The following CSMD1 variants were observed in gnomAD, a reference collection of about 807,000 sequenced individuals.
The protein encoded by CSMD1 is CUB and sushi domain-containing protein 1.
In CSMD1, 213 loss-of-function variants were observed where a neutral mutation model predicts 417.5. The ratio of observed to expected loss-of-function variants is 0.51; its 90% confidence interval spans 0.46 to 0.57. The LOEUF is 0.57. Ranked by LOEUF, CSMD1 falls within the 20% of genes least tolerant of loss-of-function variation. The probability of loss-of-function intolerance (pLI) is 0.00; values close to 1 mark genes in which losing one functional copy is unlikely to be tolerated. For missense variants in CSMD1, 6,923 were observed against 4,529.7 expected, an observed-to-expected ratio of 1.53 and a Z score of -15.17; for synonymous variants, 2,862 against 1,736.8, an observed-to-expected ratio of 1.65 and a Z score of -16.11.
chr8:3,667,675 C>A lies in CSMD1; in HGVS notation c.1009+40739G>T, dbSNP rs566656001. Reference sequence around the variant, plus strand: ...AGGCCTTGGGGTGAAGAGCAGTTGTCCACGCATGGTGATGACTGAATTGAG... The same window carrying A: ...AGGCCTTGGGGTGAAGAGCAGTTGTACACGCATGGTGATGACTGAATTGAG... On this transcript the variant is annotated intron_variant, in intron 7 of 69. Coordinates refer to ENST00000635120, the MANE Select transcript of CSMD1 (RefSeq NM_033225.6). Among the ~76,000 whole-genome samples the A allele has an allele frequency of 8.5e-5, 13 of 152,228 alleles. No individual in the cohort carries two copies. In the South Asian group the frequency reaches 2.7e-3, roughly 32 times the overall value.
rs529044877 is a variant in CSMD1 at position 3,880,879 on chromosome 8, C to G, written c.818+117024G>C. ...TTTTCTAATACAAATTTTTCTAGTC[C>G]TCCTTCGTGTACCATTGAAAGTAAA... On this transcript the variant is annotated intron_variant, in intron 5 of 69. Coordinates refer to ENST00000635120, the MANE Select transcript of CSMD1 (RefSeq NM_033225.6). 6.6e-5 allele frequency among the ~76,000 whole-genome samples: 10 copies of G among 152,162 alleles called. No individual in the cohort carries two copies. In the South Asian group the frequency reaches 1.5e-3, roughly 22 times the overall value.
At chr8:3,970,439 T>C (rs1224418906) in intron 5 of CSMD1, among the ~76,000 whole-genome samples, 1 of 152,186 alleles carries the variant, frequency 6.6e-6, no homozygotes, top group African/African-American at 2.4e-5. Context: ...CCCCAGGACA[T>C]GGCCATGAGA....
intron 1 of CSMD1, among the ~76,000 whole-genome samples, chr8:4,677,338 A>C (rs1370061811): frequency 6.6e-6 from 1 of 151,642 alleles, no homozygotes; most frequent in Non-Finnish European, 1.5e-5. Context: ...ATCATTATAA[A>C]CATGTGCTAC....
intron 5 of CSMD1, among the ~76,000 whole-genome samples, chr8:3,767,943 G>T (rs145825358): frequency 6.6e-6 from 1 of 152,136 alleles, no homozygotes; most frequent in African/African-American, 2.4e-5. Context: ...CATTAATGAT[G>T]TGAACATTAC....
chr8:4,499,154 C>A (rs1020993530), intron 2 of CSMD1, among the ~76,000 whole-genome samples: 11 of 152,120 alleles, frequency 7.2e-5, no homozygotes, highest in Non-Finnish European at 1.5e-4. Flanking sequence ...ACAAAACCAA[C>A]AGGAAGATGC....
intron 2 of CSMD1, among the ~76,000 whole-genome samples, chr8:4,551,005 A>G (rs1797845391): frequency 6.6e-6 from 1 of 152,208 alleles, no homozygotes; most frequent in Non-Finnish European, 1.5e-5. Flanking sequence ...CCAAATTAAT[A>G]TCAGGATTTA....
chr8:3,798,068 G>A (rs1413884415), intron 5 of CSMD1, among the ~76,000 whole-genome samples: 2 of 151,810 alleles, frequency 1.3e-5, no homozygotes, highest in Non-Finnish European at 2.9e-5. Flanking sequence ...ATAATCCATT[G>A]AAGTATTGTG....
intron 3 of CSMD1, among the ~76,000 whole-genome samples, chr8:4,160,438 G>C (rs111808757): frequency 4.3e-4 from 66 of 152,318 alleles, no homozygotes; most frequent in Admixed American, 1.2e-3. Context: ...CCAGAATAAA[G>C]AATATATTTC....
chr8:2,952,407 T>C (rs762896636), intron 65 of CSMD1, among the ~76,000 whole-genome samples: 4 of 152,178 alleles, frequency 2.6e-5, no homozygotes, highest in Admixed American at 1.3e-4. Context: ...GCTGAACCTA[T>C]AAAACTTGGC....
In CSMD1 at chr8:4,454,573, T is replaced by C. The variant is rs142269549; in HGVS notation, c.303-34508A>G. 2.5e-3 allele frequency among the ~76,000 whole-genome samples: 387 copies of C among 152,268 alleles called. 1 individual carries two copies. Among genetic ancestry groups the C allele is most frequent in the Non-Finnish European group, 4.1e-3 (282 of 68,036 alleles). On this transcript the variant is annotated intron_variant, in intron 2 of 69. Coordinates refer to ENST00000635120, the MANE Select transcript of CSMD1 (RefSeq NM_033225.6). ...GCACCTTTGCACAGAGTAGACCCAA[T>C]GCAGCACTGATTTAGGGCTGGCTGG... is the stretch of plus-strand genomic sequence containing the variant.
chr8:3,729,665 G>A (rs560067504), intron 6 of CSMD1, among the ~76,000 whole-genome samples: 1 of 147,148 alleles, frequency 6.8e-6, no homozygotes, highest in African/African-American at 2.6e-5. Context: ...GGGGCTACCA[G>A]CGAAGTGTTT....
rs145391065 is a variant in CSMD1, at chr8:3,357,879, A to G, written c.3304+1273T>C. ...GGAGAAAAGCAGATTGTGAAAATAT[A>G]TAGATACATGTTTTGGAAACAGACA... On this transcript the variant is annotated intron_variant, in intron 21 of 69. Transcript: ENST00000635120. Among the ~76,000 whole-genome samples, 156 of 152,348 alleles carry G rather than the reference A, an allele frequency of 1.0e-3. 1 individual carries two copies. In the Middle Eastern group the frequency reaches 0.034, roughly 33 times the overall value.
At chr8:4,551,220 A>T (rs992591692) in intron 2 of CSMD1, among the ~76,000 whole-genome samples, 3 of 152,028 alleles carry the variant, frequency 2.0e-5, no homozygotes, top group Non-Finnish European at 4.4e-5. Flanking sequence ...ACCCTCCTGT[A>T]ATACTGAAAA....
intron 49 of CSMD1, among the ~76,000 whole-genome samples, chr8:3,084,871 T>A (rs1302477207): frequency 6.6e-6 from 1 of 151,908 alleles, no homozygotes; most frequent in African/African-American, 2.4e-5. Flanking sequence ...AACTTTAATG[T>A]TCAAAAATCC....
At chr8:4,506,952 T>A (rs897265228) in intron 2 of CSMD1, among the ~76,000 whole-genome samples, 2 of 152,178 alleles carry the variant, frequency 1.3e-5, no homozygotes, top group African/African-American at 4.8e-5. Flanking sequence ...AGAAAGGTGA[T>A]CGAATACATT....
chr8:4,834,530 T>G (rs1040136719), intron 1 of CSMD1, among the ~76,000 whole-genome samples: 1 of 151,930 alleles, frequency 6.6e-6, no homozygotes, highest in Non-Finnish European at 1.5e-5. Context: ...AAGATAAGGG[T>G]GAGCTTTCTG....
chr8:3,724,214 A>C (rs1210759954), intron 6 of CSMD1, among the ~76,000 whole-genome samples: 5 of 151,356 alleles, frequency 3.3e-5, no homozygotes, highest in Admixed American at 1.3e-4. Flanking sequence ...TTTTATTATT[A>C]TACTTTAAGT....
intron 3 of CSMD1, among the ~76,000 whole-genome samples, chr8:4,335,183 T>A (rs988891401): frequency 8.5e-5 from 13 of 152,104 alleles, no homozygotes; most frequent in Non-Finnish European, 1.5e-5. Context: ...GGATTACAGG[T>A]GTGAGCCACC....
intron 10 of CSMD1, among the ~76,000 whole-genome samples, chr8:3,523,978 C>A (rs900394224): frequency 1.3e-5 from 2 of 151,630 alleles, no homozygotes; most frequent in South Asian, 4.2e-4. Flanking sequence ...CATGCACACA[C>A]ACATGCACAC....
Sources: gnomAD v4.1 joint callset for allele counts (sites outside exome capture counted in the v4.1 genomes callset) on GRCh38, gnomAD v4.1.1 for gene constraint, MANE v1.5 for transcripts, NCBI Gene and HGNC (gene_info 2026-07-23, HGNC 2026-07-21) for gene names.